LSM14A: variants seen among roughly 807,000 people sequenced by gnomAD.
The protein encoded by LSM14A is LSM14A mRNA processing body assembly factor.
Under a neutral mutation model 52.4 loss-of-function variants are expected in LSM14A, and 14 were observed. The observed-to-expected ratio is 0.27, with a 90% CI of 0.18 to 0.42. The LOEUF is 0.42. Among genes scored for constraint, LSM14A ranks in the 10% least tolerant of loss-of-function variants. LSM14A has a pLI of 1.00. For missense variants in LSM14A, 417 were observed against 581.8 expected (o/e 0.72, Z 2.91); for synonymous variants, 185 against 200.3 (o/e 0.92, Z 0.64).
At chr19:34,187,734 C>A (rs543812976) in intron 1 of LSM14A, among the ~76,000 whole-genome samples, 5 of 152,204 alleles carry the variant, frequency 3.3e-5, no homozygotes, top group African/African-American at 1.2e-4. Context: ...GTCACTACAA[C>A]TTATTTCTCT....
chr19:34,214,292 CTTTATTTATTTATTTATTTA>C (rs61278191), intron 4 of LSM14A, among the ~76,000 whole-genome samples: 2 of 148,386 alleles, frequency 1.3e-5, no homozygotes, highest in Non-Finnish European at 3.0e-5. Flanking sequence ...AGTTCTTTTA[CTTTATTTATTTATTTATTTA>C]TTTATTTATT....
Position 34,194,596 on chromosome 19 carries a change from A to G in LSM14A, c.240A>G (p.Pro80=). The G allele has an allele frequency of 6.2e-7, 1 of 1,614,176 alleles. No homozygotes were observed. The highest frequency in any genetic ancestry group is 8.5e-7 in the Non-Finnish European group (1 of 1,180,018). Residue 80 remains proline, a synonymous_variant, in exon 2 of 10, where the codon CCA becomes CCG. Transcript: ENST00000544216. ...TTAAAGACCTTACTGTTTGTGAGCCACCAAAACCACAGTGTTCTTTGCCTC... is the reference window on the plus strand; with the variant it reads ...TTAAAGACCTTACTGTTTGTGAGCCGCCAAAACCACAGTGTTCTTTGCCTC... ...SDIKDLTVCE[P]PKPQCSLPQD...
At chr19:34,205,093 C>G (rs1456373270) in intron 3 of LSM14A, among the ~76,000 whole-genome samples, 4 of 151,792 alleles carry the variant, frequency 2.6e-5, no homozygotes, top group Non-Finnish European at 4.4e-5. Context: ...GATGACGTCA[C>G]TACACTCCAG....
chr19:34,214,976 T>G (rs535457578), intron 4 of LSM14A, 148 bp from the exon 5 acceptor site: 1 of 476,198 alleles, frequency 2.1e-6, no homozygotes, highest in South Asian at 6.0e-5. Flanking sequence ...GATACCATTC[T>G]TAATATCTGG....
intron 4 of LSM14A, among the ~76,000 whole-genome samples, chr19:34,211,704 A>C (rs2072167382): frequency 6.6e-6 from 1 of 151,680 alleles, no homozygotes; most frequent in Non-Finnish European, 1.5e-5. Flanking sequence ...CAGGAGGATC[A>C]CTTGAGCCCA....
chr19:34,181,485 A>T (rs2069479535), intron 1 of LSM14A, among the ~76,000 whole-genome samples: 1 of 152,148 alleles, frequency 6.6e-6, no homozygotes, highest in African/African-American at 2.4e-5. Context: ...CATGTTACCA[A>T]ATCCAGTAGT....
rs750956463 is a variant in LSM14A, at chr19:34,219,579, CT to C, written c.964+9del. On this transcript the variant is annotated splice_region_variant and intron_variant, in intron 7 of 9. Coordinates refer to ENST00000544216, the MANE Select transcript of LSM14A (RefSeq NM_015578.4). ...TAATAAACTTAAATTAAAAGGTAAG[CT>C]TTGATTTTTCTTTTCAGAAAATAAT... The C allele has an allele frequency of 1.7e-4, 272 of 1,598,624 alleles. No homozygotes were observed. Among genetic ancestry groups the C allele is most frequent in the Non-Finnish European group, 2.1e-4 (248 of 1,170,682 alleles).
chr19:34,187,696 A>G (rs1254756744), intron 1 of LSM14A, among the ~76,000 whole-genome samples: 2 of 152,144 alleles, frequency 1.3e-5, no homozygotes, highest in African/African-American at 2.4e-5. Context: ...TTGGTATTTT[A>G]TAATGGAGGT....
At chr19:34,180,138 C>CT (rs1346949710) in intron 1 of LSM14A, among the ~76,000 whole-genome samples, 7 of 152,174 alleles carry the variant, frequency 4.6e-5, no homozygotes, top group Non-Finnish European at 1.0e-4. Flanking sequence ...AGGTCGGTCT[C>CT]TAACTCCTGG....
Position 34,219,853 on chromosome 19 carries a change from A to G in LSM14A, c.1112A>G (p.Asp371Gly). ...TATGACAAAACTAAATCCTTCTTTGATAATATTTCTTGTGATGACAATAGG... is the reference window on the plus strand; with the variant it reads ...TATGACAAAACTAAATCCTTCTTTGGTAATATTTCTTGTGATGACAATAGG... ...CYYDKTKSFFDNISCDDNRER... is the reference protein window; with the variant it reads ...CYYDKTKSFFGNISCDDNRER... The change falls in exon 8 of 10, where the codon GAT (aspartate) becomes GGT (glycine). Residue 371 changes from aspartate to glycine, a missense_variant. Coordinates refer to ENST00000544216, the MANE Select transcript of LSM14A (RefSeq NM_015578.4). 1 of 1,611,252 alleles carries G rather than the reference A, an allele frequency of 6.2e-7. No homozygotes were observed. Among genetic ancestry groups the G allele is most frequent in the Non-Finnish European group, 8.5e-7 (1 of 1,178,062 alleles).
chr19:34,217,443 T>C (rs566748135), intron 6 of LSM14A, among the ~76,000 whole-genome samples: 1 of 151,666 alleles, frequency 6.6e-6, no homozygotes, highest in Admixed American at 6.6e-5. Flanking sequence ...GAAAATAAAT[T>C]ATAATTTTAC....
chr19:34,196,584 A>C, intron 2 of LSM14A, 50 bp from the exon 3 acceptor site: 2 of 1,524,148 alleles, frequency 1.3e-6, no homozygotes, highest in Non-Finnish European at 1.8e-6. Flanking sequence ...TTTTTTCGTT[A>C]TATACATGTT....
rs71165635 is a variant in LSM14A at position 34,227,790 on chromosome 19, TTGTG to T, written c.*438_*441del. 0.016 allele frequency: 2,473 copies of T among 152,400 alleles called. 56 individuals are homozygous for T. The highest frequency in any genetic ancestry group is 0.052 in the African/African-American group (1,888 of 36,554). The allele number at this position is 152,400 out of a possible 1,614,324, so 9.4% of individuals were successfully genotyped here. On this transcript the variant is annotated 3_prime_UTR_variant, in exon 10 of 10. Coordinates refer to ENST00000544216, the MANE Select transcript of LSM14A (RefSeq NM_015578.4). The stretch of plus-strand genomic sequence containing the variant: ...ATACTGTGTTTTGAGCCACAGAAGG[TTGTG>T]TGTGTGTGTGTGTGTGTGTGTGTGT...
chr19:34,192,319 G>GTTGTTTTTTTTTTTTTTTTTTTTTT (rs60512063), intron 1 of LSM14A, among the ~76,000 whole-genome samples: 4 of 53,408 alleles, frequency 7.5e-5, no homozygotes, highest in African/African-American at 3.2e-4. Context: ...TCTTTTTGTT[G>GTTGTTTTTTTTTTTTTTTTTTTTTT]TTTTTTTTTT....
chr19:34,193,649 A>T (rs905805584), intron 1 of LSM14A, among the ~76,000 whole-genome samples: 7 of 152,150 alleles, frequency 4.6e-5, no homozygotes, highest in Non-Finnish European at 1.0e-4. Context: ...AGGGTATTTC[A>T]AGCTGTCCCA....
At chr19:34,214,811 C>A (rs1371834748) in intron 4 of LSM14A, among the ~76,000 whole-genome samples, 3 of 140,892 alleles carry the variant, frequency 2.1e-5, no homozygotes, top group Non-Finnish European at 4.7e-5. Context: ...TCGTACCTGG[C>A]AGCAATTTTT....
chr19:34,192,602 T>C (rs2070509179), intron 1 of LSM14A, among the ~76,000 whole-genome samples: 1 of 121,454 alleles, frequency 8.2e-6, no homozygotes. Context: ...AGTGCTGGGA[T>C]TGCAGGCATG....
At chr19:34,190,964 T>C (rs2070331960) in intron 1 of LSM14A, among the ~76,000 whole-genome samples, 1 of 152,132 alleles carries the variant, frequency 6.6e-6, no homozygotes, top group Non-Finnish European at 1.5e-5. Context: ...ATTTCTATTC[T>C]GTTATATCTT....
At chr19:34,217,598 T>A (rs867733018) in intron 6 of LSM14A, among the ~76,000 whole-genome samples, 12 of 137,662 alleles carry the variant, frequency 8.7e-5, no homozygotes, top group Non-Finnish European at 1.7e-4. Context: ...ATATATATAT[T>A]TTTATATCCC....
Sources: allele counts gnomAD v4.1 joint callset (sites outside exome capture counted in the v4.1 genomes callset), GRCh38; gene constraint gnomAD v4.1.1; transcripts MANE v1.5; gene names NCBI Gene and HGNC (gene_info 2026-07-23, HGNC 2026-07-21).